The following ANKRD28 variants were observed in gnomAD, a reference collection of about 807,000 sequenced individuals.
ANKRD28 encodes serine/threonine-protein phosphatase 6 regulatory ankyrin repeat subunit A.
A neutral mutation model predicts 126.5 loss-of-function variants in ANKRD28; 44 were observed. The ratio of observed to expected loss-of-function variants is 0.35; its 90% confidence interval spans 0.27 to 0.45. ANKRD28 has a LOEUF of 0.45. ANKRD28 is among the 20% of genes least tolerant of loss of function. The probability of loss-of-function intolerance (pLI) is 1.00; values close to 1 mark genes in which losing one functional copy is unlikely to be tolerated. For synonymous variants in ANKRD28, 442 were observed against 468.5 expected, an observed-to-expected ratio of 0.94 and a Z score of 0.73; for missense variants, 1,110 against 1,316.6, an observed-to-expected ratio of 0.84 and a Z score of 2.43.
chr3:15,852,832 C>CAA (rs71064237), intron 1 of ANKRD28, among the ~76,000 whole-genome samples: 2,319 of 63,514 alleles, frequency 0.037, 159 homozygotes, highest in Non-Finnish European at 0.04. Context: ...GACTCTGTCT[C>CAA]AAAAAAAAAA....
At chr3:15,787,425 A>G (rs1348980) in intron 2 of ANKRD28, among the ~76,000 whole-genome samples, 8 of 151,952 alleles carry the variant, frequency 5.3e-5, no homozygotes, top group Non-Finnish European at 8.8e-5. Context: ...ACTGGCCACA[A>G]AGAGCTGGAG....
chr3:15,738,850 T>G (rs2075232067), intron 4 of ANKRD28: 1 of 152,232 alleles, frequency 6.6e-6, no homozygotes, highest in Non-Finnish European at 1.5e-5. Flanking sequence ...TGGGGCTTAT[T>G]TCATCCCTTA....
Position 15,814,818 on chromosome 3 carries a change from T to C in ANKRD28, c.28-19512A>G, listed in dbSNP as rs2060799628. 6.6e-6 allele frequency among the ~76,000 whole-genome samples: 1 copy of C among 151,456 alleles called. No homozygotes were observed. Among genetic ancestry groups the C allele is most frequent in the African/African-American group, 2.4e-5 (1 of 41,326 alleles). On this transcript the variant is annotated intron_variant, in intron 1 of 27. Transcript: ENST00000399451. The surrounding 1 kb of genome is among the most constrained non-coding windows in gnomAD (Gnocchi z 4.7). ...AGAACATACTCATTTCAGTAATACA[T>C]AAATTTAAGAAATCACTGCAATATC...
Position 15,845,148 on chromosome 3 carries a change from G to T in ANKRD28, c.27+14229C>A, listed in dbSNP as rs1011896823. On this transcript the variant is annotated intron_variant, in intron 1 of 27. Coordinates refer to the ANKRD28 transcript ENST00000399451. This position sits in a 1 kb window ranked among gnomAD's most constrained non-coding sequence, Gnocchi z 4.9. The stretch of plus-strand genomic sequence containing the variant: ...CACAAGGTCCCACCTCCAACACTGG[G>T]GATTATAACTAGAAATGAGATTTAG... 6.6e-6 allele frequency among the ~76,000 whole-genome samples: 1 copy of T among 151,928 alleles called. No homozygotes were observed. The highest frequency in any genetic ancestry group is 1.5e-5 in the Non-Finnish European group (1 of 67,996).
chr3:15,745,531 C>T (rs1189031579), intron 4 of ANKRD28, among the ~76,000 whole-genome samples: 1 of 151,964 alleles, frequency 6.6e-6, no homozygotes, highest in Non-Finnish European at 1.5e-5. Flanking sequence ...AGTATTTGGC[C>T]TTATTTCTGG....
intron 3 of ANKRD28, among the ~76,000 whole-genome samples, chr3:15,761,930 A>G (rs956601685): frequency 1.3e-5 from 2 of 152,092 alleles, no homozygotes; most frequent in African/African-American, 4.8e-5. Context: ...TCACAGCTGT[A>G]ATCCCAGCAC....
intron 2 of ANKRD28, among the ~76,000 whole-genome samples, chr3:15,782,534 G>T (rs1045448222): frequency 4.6e-5 from 7 of 152,068 alleles, no homozygotes; most frequent in African/African-American, 1.7e-4. Context: ...TCCTTCAAGA[G>T]GAATCCTGAG....
chr3:15,765,057 ATAC>A (rs1372652340), intron 3 of ANKRD28, among the ~76,000 whole-genome samples: 1 of 152,236 alleles, frequency 6.6e-6, no homozygotes, highest in Non-Finnish European at 1.5e-5. Flanking sequence ...TATCAAAGGA[ATAC>A]TACTACTAAT....
At chr3:15,745,722 ATT>A (rs150299447) in intron 4 of ANKRD28, among the ~76,000 whole-genome samples, 35,267 of 150,758 alleles carry the variant, frequency 0.23, 5,060 homozygotes, top group Non-Finnish European at 0.32. Context: ...GAATTTCAGA[ATT>A]TTTTTTTTCT....
chr3:15,798,028 G>A, upstream of ANKRD28: 1 of 985,362 alleles, frequency 1.0e-6, no homozygotes, highest in Non-Finnish European at 1.2e-6. Context: ...AAAAAATAGT[G>A]CATTTGGACA....
At chr3:15,782,158 T>C (rs954921266) in intron 2 of ANKRD28, among the ~76,000 whole-genome samples, 3 of 152,056 alleles carry the variant, frequency 2.0e-5, no homozygotes, top group African/African-American at 4.8e-5. Flanking sequence ...AGAATCTATT[T>C]CCTCTCAATT....
chr3:15,699,529 C>A (rs1310289240), intron 14 of ANKRD28, among the ~76,000 whole-genome samples: 2 of 151,886 alleles, frequency 1.3e-5, no homozygotes, highest in East Asian at 3.9e-4. Context: ...CTACAAAGAA[C>A]TTAAATTCAC....
chr3:15,741,913 T>A (rs2057056870), intron 4 of ANKRD28, among the ~76,000 whole-genome samples: 1 of 151,908 alleles, frequency 6.6e-6, no homozygotes, highest in Non-Finnish European at 1.5e-5. Context: ...GTTTTCGTAT[T>A]TTTTTGGTGG....
intron 1 of ANKRD28, among the ~76,000 whole-genome samples, chr3:15,825,200 A>C (rs1367543205): frequency 1.3e-5 from 2 of 152,354 alleles, no homozygotes; most frequent in Non-Finnish European, 2.9e-5. Flanking sequence ...ATGCAAGATT[A>C]AATGAAGAGA....
intron 1 of ANKRD28, among the ~76,000 whole-genome samples, chr3:15,829,811 G>C (rs1028203939): frequency 1.4e-4 from 21 of 151,940 alleles, no homozygotes; most frequent in Non-Finnish European, 2.9e-4. Context: ...TATTGACAGT[G>C]GCTTTCCTTG....
Position 15,766,327 on chromosome 3 carries a change from A to G in ANKRD28, c.202-15T>C, listed in dbSNP as rs756289461. The G allele has an allele frequency of 7.5e-6, 12 of 1,590,700 alleles. No homozygotes were observed. The highest frequency in any genetic ancestry group is 1.7e-4 in the Middle Eastern group (1 of 6,028). ...TTTTCATTGTCCTGTGATAATAAGG[A>G]AAGGTGGGAAATAAGTTTTAAAATA... is the stretch of plus-strand genomic sequence containing the variant. On this transcript the variant is annotated splice_polypyrimidine_tract_variant and intron_variant, in intron 2 of 27. Transcript: ENST00000683139.
Position 15,707,947 on chromosome 3 carries a change from T to C in ANKRD28, c.1524A>G (p.Ala508=), listed in dbSNP as rs2071682040. The C allele has an allele frequency of 6.2e-7, 1 of 1,613,372 alleles. No homozygotes were observed. The highest frequency in any genetic ancestry group is 8.5e-7 in the Non-Finnish European group (1 of 1,179,566). ...DERGCTPLHY[A]ATSDTDGKCL... is the part of the protein sequence containing the mutation. Reference sequence around the variant, plus strand: ...ACTTGCCATCTGTGTCTGATGTAGCTGCATAGTGCAGGGGTGTGCAGCCTC... The same window carrying C: ...ACTTGCCATCTGTGTCTGATGTAGCCGCATAGTGCAGGGGTGTGCAGCCTC... Residue 508 remains alanine (A), a synonymous_variant, in exon 14 of 28, where the codon GCA becomes GCG. Transcript: ENST00000683139.
At chr3:15,840,083 A>G (rs2061398265) in intron 1 of ANKRD28, among the ~76,000 whole-genome samples, 2 of 152,218 alleles carry the variant, frequency 1.3e-5, no homozygotes, top group Admixed American at 1.3e-4. Flanking sequence ...AAGAGCATCC[A>G]AACTGGAAAG....
chr3:15,795,749 G>T (rs1293649566), intron 1 of ANKRD28, among the ~76,000 whole-genome samples: 1 of 152,064 alleles, frequency 6.6e-6, no homozygotes, highest in South Asian at 2.1e-4. Flanking sequence ...AGCATTACAT[G>T]TATAAAGATA....
Sources: gnomAD v4.1 joint callset for allele counts (sites outside exome capture counted in the v4.1 genomes callset) on GRCh38, gnomAD v4.1.1 for gene constraint, Gnocchi (gnomAD v3.1) non-coding constraint, MANE v1.5 for transcripts, NCBI Gene and HGNC (gene_info 2026-07-23, HGNC 2026-07-21) for gene names.